The following NTNG1 variants were observed in gnomAD, a reference collection of about 807,000 sequenced individuals.
NTNG1 encodes the protein netrin G1, also known as netrin-G1.
Under a neutral mutation model 54.0 loss-of-function variants are expected in NTNG1, and 16 were observed. The ratio of observed to expected loss-of-function variants is 0.30; its 90% confidence interval spans 0.20 to 0.45. The LOEUF is 0.45. Among genes scored for constraint, NTNG1 ranks in the 20% least tolerant of loss-of-function variants. NTNG1 has a pLI of 1.00. For missense variants in NTNG1, 530 were observed against 678.7 expected, an observed-to-expected ratio of 0.78 and a Z score of 2.43; for synonymous variants, 255 against 263.1, an observed-to-expected ratio of 0.97 and a Z score of 0.30.
intron 2 of NTNG1, among the ~76,000 whole-genome samples, chr1:107,174,507 A>G (rs1656493097): frequency 6.6e-6 from 1 of 151,976 alleles, no homozygotes; most frequent in South Asian, 2.1e-4. Context: ...TTTTATTGGT[A>G]AAACTCTCCC....
Position 107,324,740 on chromosome 1 carries a change from T to G in NTNG1, c.705T>G (p.Pro235=), listed in dbSNP as rs543581098. The G allele has an allele frequency of 1.9e-6, 3 of 1,613,484 alleles. No homozygotes were observed. Among genetic ancestry groups the G allele is most frequent in the Non-Finnish European group, 2.5e-6 (3 of 1,179,796 alleles). Residue 235 remains proline (P), a synonymous_variant, in exon 3 of 8, where the codon CCT becomes CCG. Coordinates refer to ENST00000370068, the MANE Select transcript of NTNG1 (RefSeq NM_001113226.3). ...IKDRFAFFAG[P]RLRNMASLYG... is the part of the protein sequence containing the mutation. ...ACAGGTTCGCGTTTTTTGCTGGACC[T>G]CGCCTACGCAATATGGCTTCCCTCT...
intron 2 of NTNG1, among the ~76,000 whole-genome samples, chr1:107,225,626 A>G (rs181594260): frequency 6.6e-6 from 1 of 152,300 alleles, no homozygotes; most frequent in African/African-American, 2.4e-5. Context: ...AACACCTGTT[A>G]GCAGAGAGCA....
chr1:107,425,155 G>A (rs1674812459), intron 5 of NTNG1, among the ~76,000 whole-genome samples: 1 of 151,358 alleles, frequency 6.6e-6, no homozygotes, highest in Non-Finnish European at 1.5e-5. Flanking sequence ...TTAGCTACTG[G>A]GATATGAGCA....
At chr1:107,218,078 C>CAG (rs1660093432) in intron 2 of NTNG1, among the ~76,000 whole-genome samples, 1 of 152,010 alleles carries the variant, frequency 6.6e-6, no homozygotes, top group Non-Finnish European at 1.5e-5. Flanking sequence ...TGCTGTCTGT[C>CAG]TCAGCAACAC....
At chr1:107,310,852 T>G (rs1295363496) in intron 2 of NTNG1, among the ~76,000 whole-genome samples, 2 of 152,064 alleles carry the variant, frequency 1.3e-5, no homozygotes, top group Admixed American at 1.3e-4. Flanking sequence ...CCTCTTCAGT[T>G]CTGAGGGCCT....
intron 7 of NTNG1, among the ~76,000 whole-genome samples, chr1:107,449,013 G>A (rs1452633530): frequency 6.6e-6 from 1 of 152,062 alleles, no homozygotes; most frequent in Non-Finnish European, 1.5e-5. Flanking sequence ...AAATTTGATG[G>A]CAATTACCAT....
intron 2 of NTNG1, among the ~76,000 whole-genome samples, chr1:107,313,702 A>G (rs2101844298): frequency 6.6e-6 from 1 of 152,250 alleles, no homozygotes; most frequent in East Asian, 1.9e-4. Context: ...AAATAGTGAA[A>G]CAGGATTAGG....
intron 2 of NTNG1, among the ~76,000 whole-genome samples, chr1:107,264,038 A>T (rs1429798321): frequency 6.6e-6 from 1 of 152,180 alleles, no homozygotes; most frequent in Non-Finnish European, 1.5e-5. Context: ...TATTTGACAG[A>T]TGTCAGTAGA....
chr1:107,327,652 A>C (rs1160165938), intron 3 of NTNG1, among the ~76,000 whole-genome samples: 2 of 151,716 alleles, frequency 1.3e-5, no homozygotes, highest in Non-Finnish European at 2.9e-5. Context: ...ACATGCCTTT[A>C]CATGTCTATA....
intron 2 of NTNG1, among the ~76,000 whole-genome samples, chr1:107,167,323 C>T (rs1474412914): frequency 6.6e-6 from 1 of 151,400 alleles, no homozygotes; most frequent in Non-Finnish European, 1.5e-5. Context: ...GACAGAACAT[C>T]GGCATTACCT....
chr1:107,313,079 C>T (rs1667120301), intron 2 of NTNG1, among the ~76,000 whole-genome samples: 1 of 152,100 alleles, frequency 6.6e-6, no homozygotes, highest in Non-Finnish European at 1.5e-5. Flanking sequence ...CACCAGTTGT[C>T]CCAGTAATAT....
In NTNG1 at chr1:107,481,693, T is replaced by C. The variant is rs114287822; in HGVS notation, c.*853T>C. ...CCTCTTTCGTTCTGTTTTGTTTCAC[T>C]GTGCAGAGATTTCTCTGTAAGGGCA... On this transcript the variant is annotated 3_prime_UTR_variant, in exon 8 of 8. Coordinates refer to ENST00000370068, the MANE Select transcript of NTNG1 (RefSeq NM_001113226.3). 1 of 152,644 alleles carries C rather than the reference T, an allele frequency of 6.6e-6. No homozygotes were observed. The highest frequency in any genetic ancestry group is 2.4e-5 in the African/African-American group (1 of 41,446). The allele number at this position is 152,644 out of a possible 1,614,324, so 9.5% of individuals were successfully genotyped here.
chr1:107,223,530 A>G (rs184101055), intron 2 of NTNG1, among the ~76,000 whole-genome samples: 58 of 152,250 alleles, frequency 3.8e-4, no homozygotes, highest in Non-Finnish European at 7.6e-4. Flanking sequence ...CATTAATGAC[A>G]TGTTTTTAAG....
chr1:107,443,123 G>A lies in NTNG1; in HGVS notation c.1390+6324G>A, dbSNP rs149878734. On this transcript the variant is annotated intron_variant, in intron 7 of 7. Coordinates refer to ENST00000370068, the MANE Select transcript of NTNG1 (RefSeq NM_001113226.3). Reference sequence around the variant, plus strand: ...GCCTCTTCAACTTCCCAGCTTTAACGTCAGACCACACTCATGCAGCAGAGG... The same window carrying A: ...GCCTCTTCAACTTCCCAGCTTTAACATCAGACCACACTCATGCAGCAGAGG... 2.5e-3 allele frequency among the ~76,000 whole-genome samples: 384 copies of A among 152,088 alleles called. 2 individuals are homozygous for A. The highest frequency in any genetic ancestry group is 9.0e-3 in the African/African-American group (374 of 41,508).
intron 2 of NTNG1, 148 bp from the exon 3 acceptor site, chr1:107,324,134 G>T (rs1667808657): frequency 2.9e-6 from 2 of 691,826 alleles, no homozygotes; most frequent in Admixed American, 4.7e-5. Context: ...AGCTATTAAA[G>T]AGGAGAATCC....
At chr1:107,444,556 T>C (rs770613117) in intron 7 of NTNG1, among the ~76,000 whole-genome samples, 3 of 152,172 alleles carry the variant, frequency 2.0e-5, no homozygotes, top group Non-Finnish European at 4.4e-5. Flanking sequence ...GCCTACTATT[T>C]AGCCATCCTG....
chr1:107,370,672 T>C (rs908769716), intron 3 of NTNG1, among the ~76,000 whole-genome samples: 1 of 152,154 alleles, frequency 6.6e-6, no homozygotes, highest in Non-Finnish European at 1.5e-5. Flanking sequence ...TCCAGTTTGC[T>C]GCTAATGCCA....
At chr1:107,326,503 A>G (rs1570684693) in intron 3 of NTNG1, among the ~76,000 whole-genome samples, 1 of 152,232 alleles carries the variant, frequency 6.6e-6, no homozygotes, top group East Asian at 1.9e-4. Flanking sequence ...TTCTTGGGGA[A>G]GTATGATATA....
chr1:107,341,330 A>G (rs115057671), intron 3 of NTNG1, among the ~76,000 whole-genome samples: 2,384 of 152,018 alleles, frequency 0.016, 36 homozygotes, highest in South Asian at 0.056. Context: ...ATGTGCACTT[A>G]TCTGTCTTAA....
Sources: allele counts gnomAD v4.1 joint callset (sites outside exome capture counted in the v4.1 genomes callset), GRCh38; gene constraint gnomAD v4.1.1; transcripts MANE v1.5; gene names NCBI Gene and HGNC (gene_info 2026-07-23, HGNC 2026-07-21).